MRE11: variants seen among roughly 807,000 people sequenced by gnomAD.
MRE11 encodes the protein double-strand break repair protein MRE11.
A neutral mutation model predicts 91.7 loss-of-function variants in MRE11; 62 were observed. The observed-to-expected ratio is 0.68, with a 90% CI of 0.55 to 0.84. MRE11 has a LOEUF of 0.84. Among genes scored for constraint, MRE11 ranks in the 40% least tolerant of loss-of-function variants. The probability of loss-of-function intolerance (pLI) is 0.00; values close to 1 mark genes in which losing one functional copy is unlikely to be tolerated. For missense variants in MRE11, 796 were observed against 852.9 expected (o/e 0.93, Z 0.83); for synonymous variants, 273 against 271.4 (o/e 1.01, Z -0.06).
At chr11:94,460,461 G>C (rs147036768) in intron 12 of MRE11, among the ~76,000 whole-genome samples, 5 of 152,178 alleles carry the variant, frequency 3.3e-5, no homozygotes, top group Non-Finnish European at 5.9e-5. Flanking sequence ...AATCTGGATT[G>C]AGATCTTTGT....
intron 9 of MRE11, 89 bp downstream of exon 9, chr11:94,470,382 G>C (rs1247656882): frequency 7.8e-7 from 1 of 1,285,768 alleles, no homozygotes; most frequent in African/African-American, 1.5e-5. Context: ...CAACATAAAG[G>C]CTTCCCTCTA....
intron 5 of MRE11, 50 bp downstream of exon 5, chr11:94,479,624 A>C (rs756079419): frequency 6.6e-7 from 1 of 1,514,248 alleles, no homozygotes; most frequent in Non-Finnish European, 9.2e-7. Context: ...CAGACAAACT[A>C]AACTGATCAT....
chr11:94,505,693 A>G, the MRE11 span, among the ~76,000 whole-genome samples: 2 of 130,710 alleles, frequency 1.5e-5, no homozygotes, highest in Non-Finnish European at 3.6e-5. Flanking sequence ...GTGTTGATAA[A>G]GTCTATAGTA....
intron 7 of MRE11, chr11:94,473,390 T>C (rs989694206): frequency 2.6e-5 from 4 of 152,090 alleles, no homozygotes; most frequent in African/African-American, 7.2e-5. Flanking sequence ...ATTTGTGACC[T>C]AGAAGTGATC....
At chr11:94,473,428 T>C (rs1946768473) in intron 7 of MRE11, 1 of 152,092 alleles carries the variant, frequency 6.6e-6, no homozygotes, top group South Asian at 2.1e-4. Context: ...AGATTTTGCA[T>C]GACCAAGTCA....
At position 94,466,603 on chromosome 11, in the gene MRE11, G is replaced by A. The variant is rs13447638; in HGVS notation, c.1098+1210C>T. The A allele has an allele frequency of 1.3e-3, 539 of 411,704 alleles. 1 individual carries two copies. Among genetic ancestry groups the A allele is most frequent in the African/African-American group, 9.7e-3 (476 of 48,892 alleles). 25.5% of individuals were successfully genotyped at this position (411,704 alleles called of 1,614,324 possible). Reference sequence around the variant, plus strand: ...ATACAAACCAAGGGATAAGGGATGCGGTTGCTCAAGGTCATACAACTAGTG... The same window carrying A: ...ATACAAACCAAGGGATAAGGGATGCAGTTGCTCAAGGTCATACAACTAGTG... On this transcript the variant is annotated intron_variant, in intron 10 of 19. Coordinates refer to ENST00000323929, the MANE Select transcript of MRE11 (RefSeq NM_005591.4).
At chr11:94,443,749 C>T (rs1945849887) in intron 16 of MRE11, among the ~76,000 whole-genome samples, 1 of 152,080 alleles carries the variant, frequency 6.6e-6, no homozygotes, top group Non-Finnish European at 1.5e-5. Context: ...ACATAGCTTT[C>T]ATCAGATTTT....
intron 14 of MRE11, among the ~76,000 whole-genome samples, chr11:94,453,325 G>C (rs1188186295): frequency 2.0e-5 from 3 of 152,004 alleles, no homozygotes; most frequent in Non-Finnish European, 4.4e-5. Context: ...CAATTCTTTT[G>C]GTTATGTACC....
At chr11:94,426,091 A>T (rs1945306490) in intron 19 of MRE11, among the ~76,000 whole-genome samples, 1 of 152,196 alleles carries the variant, frequency 6.6e-6, no homozygotes, top group Admixed American at 6.5e-5. Context: ...AGTAAGTCTA[A>T]ATAAATTCAA....
At chr11:94,447,480 C>T (rs371425302) in intron 14 of MRE11, 42 bp from the exon 15 acceptor site, 293 of 1,563,762 alleles carry the variant, frequency 1.9e-4, no homozygotes, top group East Asian at 2.5e-4. Context: ...AATGAGATAA[C>T]GTACCATCCT....
chr11:94,509,372 C>T, the MRE11 span, among the ~76,000 whole-genome samples: 4 of 152,114 alleles, frequency 2.6e-5, no homozygotes, highest in South Asian at 2.1e-4. Context: ...TTATTTTTCT[C>T]TATTGACCAT....
At chr11:94,494,812 A>G (rs982654921), upstream of MRE11, among the ~76,000 whole-genome samples, 1 of 152,172 alleles carries the variant, frequency 6.6e-6, no homozygotes, top group Non-Finnish European at 1.5e-5. Flanking sequence ...AGAGGGTAAG[A>G]TCTGTGGTAT....
chr11:94,490,802 T>G, intron 3 of MRE11, 31 bp downstream of exon 3: 1 of 1,611,770 alleles, frequency 6.2e-7, no homozygotes, highest in African/African-American at 1.3e-5. Context: ...GGGAATATGG[T>G]AGATAGTGCA....
rs1253939318 is a variant in MRE11, at chr11:94,479,326, A to G, written c.402+348T>C. 6.6e-5 allele frequency among the ~76,000 whole-genome samples: 10 copies of G among 152,284 alleles called. 1 individual carries two copies. In the East Asian group the frequency reaches 1.9e-3, roughly 29 times the overall value. On this transcript the variant is annotated intron_variant, in intron 5 of 19. Coordinates refer to ENST00000323929, the MANE Select transcript of MRE11 (RefSeq NM_005591.4). ...AAGATAATCTAATTTAGATTTAAAG[A>G]TGGTCTTGAACAATCATTTCCTAAA... is the stretch of plus-strand genomic sequence containing the variant.
At chr11:94,491,109 T>C (rs1004126521) in intron 2 of MRE11, 144 bp from the exon 3 acceptor site, 4 of 624,218 alleles carry the variant, frequency 6.4e-6, no homozygotes, top group Admixed American at 2.9e-5. Flanking sequence ...TCTGAAAATC[T>C]GAAGTATTCA....
At chr11:94,434,329 C>CA (rs1357373048) in intron 18 of MRE11, among the ~76,000 whole-genome samples, 1 of 152,062 alleles carries the variant, frequency 6.6e-6, no homozygotes, top group African/African-American at 2.4e-5. Context: ...TCATAAAGAA[C>CA]AAAAATTGGC....
chr11:94,512,358 T>C, the MRE11 span: 3 of 521,814 alleles, frequency 5.7e-6, no homozygotes, highest in African/African-American at 2.0e-5. Flanking sequence ...CCCAGCCCCA[T>C]AACTTCAGCA....
intron 16 of MRE11, among the ~76,000 whole-genome samples, chr11:94,444,290 G>A (rs1327047159): frequency 6.6e-6 from 1 of 152,092 alleles, no homozygotes; most frequent in African/African-American, 2.4e-5. Flanking sequence ...TTCCAAAGAG[G>A]AGTACAGTAT....
At chr11:94,508,033 G>T in the MRE11 span, among the ~76,000 whole-genome samples, 1 of 152,118 alleles carries the variant, frequency 6.6e-6, no homozygotes, top group African/African-American at 2.4e-5. Context: ...GCACTGGTGT[G>T]ATCGTAGCTC....
Sources: gnomAD v4.1 joint callset for allele counts (sites outside exome capture counted in the v4.1 genomes callset) on GRCh38, gnomAD v4.1.1 for gene constraint, MANE v1.5 for transcripts, NCBI Gene and HGNC (gene_info 2026-07-23, HGNC 2026-07-21) for gene names.